The following TXNDC8 variants were observed in gnomAD, a reference collection of about 807,000 sequenced individuals.
TXNDC8 encodes the protein thioredoxin domain containing 8, also known as thioredoxin domain-containing protein 8.
In TXNDC8, 15 loss-of-function variants were observed where a neutral mutation model predicts 12.9. The observed-to-expected ratio is 1.16, with a 90% CI of 0.78 to 1.79. TXNDC8 has a LOEUF of 1.79. Ranked by LOEUF, TXNDC8 falls within the 40% of genes most tolerant of loss-of-function variation. The pLI, the probability that TXNDC8 is intolerant of heterozygous loss-of-function variation, is 0.00. For missense variants in TXNDC8, 128 were observed against 113.2 expected, an observed-to-expected ratio of 1.13 and a Z score of -0.59; for synonymous variants, 40 against 35.4, an observed-to-expected ratio of 1.13 and a Z score of -0.46.
At chr9:110,326,261 C>G in intron 2 of TXNDC8, 21 bp from the exon 4 acceptor site, 1 of 1,613,468 alleles carries the variant, frequency 6.2e-7, no homozygotes, top group African/African-American at 1.3e-5. Context: ...AAAGAAATGG[C>G]ATGAAGTTAC....
intron 3 of TXNDC8, among the ~76,000 whole-genome samples, chr9:110,309,060 G>T (rs968973777): frequency 1.1e-4 from 17 of 152,274 alleles, no homozygotes; most frequent in Admixed American, 1.0e-3. Flanking sequence ...ATTTTTTCTC[G>T]TAGGAAGTTG....
intron 4 of TXNDC8, chr9:110,303,848 G>T: frequency 1.5e-6 from 1 of 687,140 alleles, no homozygotes; most frequent in Non-Finnish European, 2.4e-6. Context: ...GATCTAAAAC[G>T]TATAATAATC....
chr9:110,333,603 T>A (rs1393467101), intron 2 of TXNDC8, among the ~76,000 whole-genome samples: 1 of 152,178 alleles, frequency 6.6e-6, no homozygotes, highest in African/African-American at 2.4e-5. Context: ...CAAAAGCAGA[T>A]GTACACAAGG....
At chr9:110,328,918 T>TGAG (rs1332054125) in intron 2 of TXNDC8, among the ~76,000 whole-genome samples, 1 of 152,154 alleles carries the variant, frequency 6.6e-6, no homozygotes, top group Non-Finnish European at 1.5e-5. Context: ...GCAACTCTGC[T>TGAG]GAGGAGGATT....
chr9:110,318,474 C>T (rs1317072652), intron 3 of TXNDC8, among the ~76,000 whole-genome samples: 15 of 152,146 alleles, frequency 9.9e-5, no homozygotes, highest in African/African-American at 2.2e-4. Context: ...CGGTTGCTCA[C>T]GCCTGTAATC....
intron 3 of TXNDC8, among the ~76,000 whole-genome samples, chr9:110,306,928 T>A (rs1343019278): frequency 2.6e-5 from 4 of 151,982 alleles, no homozygotes; most frequent in African/African-American, 9.6e-5. Flanking sequence ...ACCCGAAATT[T>A]TTTTCCATAT....
At chr9:110,333,502 T>C (rs1175426358) in intron 2 of TXNDC8, among the ~76,000 whole-genome samples, 1 of 152,186 alleles carries the variant, frequency 6.6e-6, no homozygotes, top group East Asian at 1.9e-4. Context: ...ATATACAACA[T>C]AGTGCTTAGA....
downstream of TXNDC8, among the ~76,000 whole-genome samples, chr9:110,302,611 C>T (rs1430086896): frequency 6.6e-6 from 1 of 151,366 alleles, no homozygotes; most frequent in Non-Finnish European, 1.5e-5. Flanking sequence ...CTCCTCTGGG[C>T]TCTAAATGTC....
rs374259913 is a variant in TXNDC8 at position 110,326,162 on chromosome 9, C to T, written c.195+13G>A. On this transcript the variant is annotated intron_variant, in intron 3 of 4. Coordinates refer to ENST00000423740, the MANE Select transcript of TXNDC8 (RefSeq NM_001286946.2). ...AATCTAATTCAACCCTGCTGGTTAC[C>T]CTGGAAACATACCTTCTGGCTTTTC... 24 of 1,613,888 alleles carry T rather than the reference C, an allele frequency of 1.5e-5. No individual in the cohort carries two copies. The African/African-American group carries it at 2.3e-4, about 15-fold the overall frequency.
chr9:110,301,535 A>G (rs1838270403), downstream of TXNDC8, among the ~76,000 whole-genome samples: 1 of 152,070 alleles, frequency 6.6e-6, no homozygotes, highest in South Asian at 2.1e-4. Context: ...CACCCTTATA[A>G]TAGGAGCAAA....
chr9:110,311,641 CTA>C (rs1199661034), intron 3 of TXNDC8, among the ~76,000 whole-genome samples: 12 of 118,814 alleles, frequency 1.0e-4, no homozygotes, highest in East Asian at 2.3e-4. Context: ...TATCTCCATA[CTA>C]TATATATATA....
chr9:110,306,986 G>A (rs1838493491), intron 3 of TXNDC8, among the ~76,000 whole-genome samples: 1 of 152,014 alleles, frequency 6.6e-6, no homozygotes, highest in Non-Finnish European at 1.5e-5. Context: ...CTGTCACCCA[G>A]GCTGGAGTGC....
At chr9:110,331,757 T>C (rs1839552759) in intron 2 of TXNDC8, among the ~76,000 whole-genome samples, 1 of 152,162 alleles carries the variant, frequency 6.6e-6, no homozygotes, top group African/African-American at 2.4e-5. Flanking sequence ...CAATTCACAA[T>C]AGGGTTTGCA....
At chr9:110,307,364 A>G (rs765798608) in intron 3 of TXNDC8, among the ~76,000 whole-genome samples, 5 of 152,130 alleles carry the variant, frequency 3.3e-5, no homozygotes, top group East Asian at 1.9e-4. Flanking sequence ...GTCTTATTCT[A>G]TCTTTATCTT....
At chr9:110,313,030 C>G (rs1838744861) in intron 3 of TXNDC8, among the ~76,000 whole-genome samples, 1 of 152,118 alleles carries the variant, frequency 6.6e-6, no homozygotes, top group Non-Finnish European at 1.5e-5. Flanking sequence ...CTCAGCCTCC[C>G]AAGTAGCTGG....
chr9:110,317,201 G>GT (rs1838914629), intron 3 of TXNDC8, among the ~76,000 whole-genome samples: 3 of 152,154 alleles, frequency 2.0e-5, no homozygotes, highest in Non-Finnish European at 1.5e-5. Context: ...CATTTTTCCC[G>GT]TTTACTGGAA....
intron 3 of TXNDC8, among the ~76,000 whole-genome samples, chr9:110,312,603 A>T (rs1420576760): frequency 6.6e-6 from 1 of 152,216 alleles, no homozygotes; most frequent in African/African-American, 2.4e-5. Flanking sequence ...CTCAGCTTCA[A>T]AAAAGTCTTA....
chr9:110,325,681 T>C (rs1839287079), intron 3 of TXNDC8, among the ~76,000 whole-genome samples: 4 of 152,006 alleles, frequency 2.6e-5, no homozygotes, highest in Admixed American at 2.6e-4. Flanking sequence ...CCACCACGCC[T>C]GGCTAATTTT....
intron 3 of TXNDC8, among the ~76,000 whole-genome samples, chr9:110,315,078 T>G (rs564302201): frequency 6.6e-6 from 1 of 152,300 alleles, no homozygotes; most frequent in East Asian, 1.9e-4. Flanking sequence ...TCCTATCCCC[T>G]GCATTTGCCC....
Sources: gnomAD v4.1 joint callset for allele counts (sites outside exome capture counted in the v4.1 genomes callset) on GRCh38, gnomAD v4.1.1 for gene constraint, MANE v1.5 for transcripts, NCBI Gene and HGNC (gene_info 2026-07-23, HGNC 2026-07-21) for gene names.